ADGRB3: variants seen among roughly 807,000 people sequenced by gnomAD.
ADGRB3 encodes the protein brain-specific angiogenesis inhibitor 3.
A neutral mutation model predicts 193.4 loss-of-function variants in ADGRB3; 37 were observed. The ratio of observed to expected loss-of-function variants is 0.19; its 90% CI spans 0.15 to 0.25. The LOEUF (loss-of-function observed/expected upper bound fraction) is 0.25. ADGRB3 is among the 10% of genes least tolerant of loss of function. The pLI is 1.00. For synonymous variants in ADGRB3, 690 were observed against 644.2 expected (o/e 1.07, Z -1.08); for missense variants, 1,637 against 1,852.9 (o/e 0.88, Z 2.14).
At chr6:69,126,768 A>G (rs538222334) in intron 17 of ADGRB3, among the ~76,000 whole-genome samples, 2 of 152,180 alleles carry the variant, frequency 1.3e-5, no homozygotes, top group Non-Finnish European at 2.9e-5. Flanking sequence ...GTTGACACCT[A>G]AAATTAACCA....
chr6:69,351,238 A>T (rs911343148), intron 26 of ADGRB3, among the ~76,000 whole-genome samples: 4 of 151,886 alleles, frequency 2.6e-5, no homozygotes, highest in African/African-American at 9.7e-5. Context: ...GATTACAGGC[A>T]CCTGCCACCA....
At chr6:69,172,643 C>CAAAAAAA (rs70987454) in intron 17 of ADGRB3, among the ~76,000 whole-genome samples, 130 of 26,816 alleles carry the variant, frequency 4.8e-3, no homozygotes, top group Middle Eastern at 0.036. Flanking sequence ...GACTCTGTCT[C>CAAAAAAA]AAAAAAAAAA....
chr6:68,744,213 T>C (rs73463948), intron 3 of ADGRB3, among the ~76,000 whole-genome samples: 1 of 151,034 alleles, frequency 6.6e-6, no homozygotes, highest in South Asian at 2.1e-4. Context: ...AAAACAGAAC[T>C]TTTTTTAATG....
At chr6:68,716,890 T>C (rs980724974) in intron 3 of ADGRB3, among the ~76,000 whole-genome samples, 9 of 151,734 alleles carry the variant, frequency 5.9e-5, no homozygotes, top group African/African-American at 1.4e-4. Context: ...TTAGTTTCTA[T>C]GAGCCTGTAA....
chr6:69,039,133 T>C (rs1475145454), intron 13 of ADGRB3, among the ~76,000 whole-genome samples: 1 of 152,102 alleles, frequency 6.6e-6, no homozygotes, highest in South Asian at 2.1e-4. Context: ...TGTAAAACCC[T>C]TATTTTACTT....
chr6:69,306,322 C>T (rs981511557), intron 20 of ADGRB3, among the ~76,000 whole-genome samples: 1 of 151,534 alleles, frequency 6.6e-6, no homozygotes, highest in Non-Finnish European at 1.5e-5. Context: ...ATCAAGACCA[C>T]TAACATTTTT....
chr6:68,972,376 C>G (rs999336753), intron 8 of ADGRB3, among the ~76,000 whole-genome samples: 16 of 152,120 alleles, frequency 1.1e-4, no homozygotes, highest in African/African-American at 3.9e-4. Flanking sequence ...ATTTAACAGC[C>G]CAGGTGCTTT....
At chr6:68,917,448 CATGAT>C (rs1766913915) in intron 3 of ADGRB3, among the ~76,000 whole-genome samples, 1 of 152,092 alleles carries the variant, frequency 6.6e-6, no homozygotes, top group South Asian at 2.1e-4. Flanking sequence ...CTTTCTTCTA[CATGAT>C]AAGTTTCTAA....
chr6:68,666,190 G>A (rs1024958892), intron 3 of ADGRB3, among the ~76,000 whole-genome samples: 1 of 151,858 alleles, frequency 6.6e-6, no homozygotes, highest in Non-Finnish European at 1.5e-5. Context: ...TTAGCTCAGT[G>A]TTTAAGGCAT....
At chr6:68,895,845 A>C (rs2150230869) in intron 3 of ADGRB3, among the ~76,000 whole-genome samples, 1 of 152,136 alleles carries the variant, frequency 6.6e-6, no homozygotes, top group South Asian at 2.1e-4. Context: ...ATTTTTTTTA[A>C]GTTGATCTGC....
At chr6:68,723,940 TG>T (rs1336290453) in intron 3 of ADGRB3, among the ~76,000 whole-genome samples, 1 of 151,664 alleles carries the variant, frequency 6.6e-6, no homozygotes, top group East Asian at 1.9e-4. Context: ...TTAAGGATGT[TG>T]CTAATTATTT....
At chr6:68,655,692 A>G (rs1768475609) in intron 3 of ADGRB3, among the ~76,000 whole-genome samples, 1 of 151,674 alleles carries the variant, frequency 6.6e-6, no homozygotes. Context: ...CTCATTTCAA[A>G]TATCAACCAC....
At chr6:68,880,642 G>A (rs1036354837) in intron 3 of ADGRB3, among the ~76,000 whole-genome samples, 2 of 152,076 alleles carry the variant, frequency 1.3e-5, no homozygotes, top group African/African-American at 2.4e-5. Flanking sequence ...TACTTTATAA[G>A]GAAGTCATTT....
chr6:68,900,813 A>G (rs1470749957), intron 3 of ADGRB3, among the ~76,000 whole-genome samples: 2 of 152,154 alleles, frequency 1.3e-5, no homozygotes, highest in African/African-American at 4.8e-5. Context: ...CATAGAAGGA[A>G]CAGTGCTTCT....
chr6:69,019,346 G>A (rs541795974), intron 13 of ADGRB3, among the ~76,000 whole-genome samples: 67 of 152,046 alleles, frequency 4.4e-4, no homozygotes, highest in African/African-American at 1.5e-3. Context: ...CCCTATATTC[G>A]TATTCACAGA....
intron 3 of ADGRB3, among the ~76,000 whole-genome samples, chr6:68,661,550 T>TAC (rs1561986544): frequency 1.7e-4 from 6 of 35,462 alleles, no homozygotes; most frequent in African/African-American, 4.9e-4. Flanking sequence ...TATATATATA[T>TAC]ATATATATAT....
chr6:69,303,551 T>C (rs183757055), intron 20 of ADGRB3, among the ~76,000 whole-genome samples: 1 of 152,078 alleles, frequency 6.6e-6, no homozygotes, highest in East Asian at 1.9e-4. Flanking sequence ...ACCCTTCCTC[T>C]TGCTGGCTAT....
At chr6:69,213,467 G>A (rs1011862233) in intron 17 of ADGRB3, among the ~76,000 whole-genome samples, 2 of 152,140 alleles carry the variant, frequency 1.3e-5, no homozygotes, top group Non-Finnish European at 2.9e-5. Flanking sequence ...ATTAATATTT[G>A]CTATACATTG....
At chr6:69,187,467 T>C (rs1765096182) in intron 17 of ADGRB3, among the ~76,000 whole-genome samples, 1 of 152,140 alleles carries the variant, frequency 6.6e-6, no homozygotes, top group Non-Finnish European at 1.5e-5. Flanking sequence ...GTATTACAGG[T>C]CTCTGCTAAA....
Sources: allele counts gnomAD v4.1 joint callset (sites outside exome capture counted in the v4.1 genomes callset), GRCh38; gene constraint gnomAD v4.1.1; transcripts MANE v1.5; gene names NCBI Gene and HGNC (gene_info 2026-07-23, HGNC 2026-07-21).